PEAK1: variants seen among roughly 807,000 people sequenced by gnomAD.
PEAK1 encodes inactive tyrosine-protein kinase PEAK1.
PEAK1 carries 54 observed loss-of-function variants against 124.7 expected under a neutral mutation model. The observed-to-expected ratio is 0.43, with a 90% CI of 0.35 to 0.54. PEAK1 has a LOEUF of 0.54. Among genes scored for constraint, PEAK1 ranks in the 20% least tolerant of loss-of-function variants. The pLI is 0.01. For missense variants in PEAK1, 2,046 were observed against 2,134.5 expected, an observed-to-expected ratio of 0.96 and a Z score of 0.82; for synonymous variants, 719 against 760.0, an observed-to-expected ratio of 0.95 and a Z score of 0.89.
chr15:77,264,999 T>A (rs1184618120), intron 5 of PEAK1, among the ~76,000 whole-genome samples: 1 of 152,152 alleles, frequency 6.6e-6, no homozygotes, highest in Non-Finnish European at 1.5e-5. Flanking sequence ...AAACAAGCAA[T>A]GGGGAAAGGA....
intron 9 of PEAK1, among the ~76,000 whole-genome samples, chr15:77,129,879 G>C (rs550439244): frequency 3.6e-4 from 55 of 152,308 alleles, no homozygotes; most frequent in Admixed American, 1.5e-3. Context: ...AAAGTTGTTT[G>C]TGTGGGCCAA....
chr15:77,207,802 C>T (rs78915981), intron 6 of PEAK1, among the ~76,000 whole-genome samples: 3,440 of 152,114 alleles, frequency 0.023, 110 homozygotes, highest in African/African-American at 0.072. Context: ...ATAGAATGTA[C>T]AACAAAAAGA....
chr15:77,265,230 G>A (rs2061658301), intron 5 of PEAK1, among the ~76,000 whole-genome samples: 1 of 152,076 alleles, frequency 6.6e-6, no homozygotes, highest in Non-Finnish European at 1.5e-5. Flanking sequence ...AAAAGCAATG[G>A]CAACAAAAGC....
At chr15:77,232,562 A>C (rs936918601) in intron 6 of PEAK1, among the ~76,000 whole-genome samples, 1 of 152,056 alleles carries the variant, frequency 6.6e-6, no homozygotes, top group African/African-American at 2.4e-5. Context: ...AACCAGATGA[A>C]TTTCATCTCA....
intron 1 of PEAK1, among the ~76,000 whole-genome samples, chr15:77,400,529 TC>T (rs2071282641): frequency 6.6e-6 from 1 of 151,848 alleles, no homozygotes; most frequent in African/African-American, 2.4e-5. Context: ...GAAATGGAGG[TC>T]ATTATGTTAT....
rs375319792 is a variant in PEAK1 at position 77,300,842 on chromosome 15, A to ATTAT, written c.-602-14342_-602-14339dup. 8.6e-3 allele frequency among the ~76,000 whole-genome samples: 1,300 copies of ATTAT among 151,776 alleles called. 9 individuals carry two copies. Among genetic ancestry groups the ATTAT allele is most frequent in the Non-Finnish European group, 0.013 (904 of 67,904 alleles). The stretch of plus-strand genomic sequence containing the variant: ...AATTTGATGGCTTAAAAAACCAGTA[A>ATTAT]TTATTTATTTATTTATTTATTTATT... On this transcript the variant is annotated intron_variant, in intron 2 of 9. Coordinates refer to ENST00000682557, the MANE Select transcript of PEAK1 (RefSeq NM_001385026.1).
At chr15:77,254,510 G>A (rs2061036111) in intron 5 of PEAK1, among the ~76,000 whole-genome samples, 1 of 152,062 alleles carries the variant, frequency 6.6e-6, no homozygotes, top group Non-Finnish European at 1.5e-5. Context: ...ACGGCTCACT[G>A]CATCCTTGAC....
intron 2 of PEAK1, among the ~76,000 whole-genome samples, chr15:77,318,235 A>T (rs539050863): frequency 6.6e-6 from 1 of 152,296 alleles, no homozygotes; most frequent in East Asian, 1.9e-4. Flanking sequence ...GGATTATACC[A>T]CTGTCGATTT....
chr15:77,391,512 C>G (rs1165219169), intron 1 of PEAK1, among the ~76,000 whole-genome samples: 1 of 125,466 alleles, frequency 8.0e-6, no homozygotes, highest in Non-Finnish European at 1.6e-5. Flanking sequence ...AAAAGAGATA[C>G]CAGGGAAACA....
At chr15:77,330,762 C>T (rs2065845348) in intron 2 of PEAK1, among the ~76,000 whole-genome samples, 1 of 152,218 alleles carries the variant, frequency 6.6e-6, no homozygotes, top group Admixed American at 6.5e-5. Context: ...CTTTCCCTCC[C>T]TTGGTGCACC....
Position 77,111,284 on chromosome 15 carries a change from T to C in PEAK1, c.*2872A>G, listed in dbSNP as rs889359352. On this transcript the variant is annotated 3_prime_UTR_variant, in exon 10 of 10. Coordinates refer to ENST00000682557, the MANE Select transcript of PEAK1 (RefSeq NM_001385026.1). Reference sequence around the variant, plus strand: ...ACAGAGGGTAGGATTTCTTTCCAGTTGATGAACAAATTCAAAGGTCCTACC... The same window carrying C: ...ACAGAGGGTAGGATTTCTTTCCAGTCGATGAACAAATTCAAAGGTCCTACC... 1 of 152,224 alleles carries C rather than the reference T, an allele frequency of 6.6e-6. No homozygotes were observed. Among genetic ancestry groups the C allele is most frequent in the Non-Finnish European group, 1.5e-5 (1 of 68,036 alleles). 9.4% of individuals were successfully genotyped at this position (152,224 alleles called of 1,614,324 possible). A position where few individuals can be genotyped will look rare whatever the true frequency, so the allele number is the denominator to read the frequency against.
At chr15:77,391,640 C>T (rs2070468348) in intron 1 of PEAK1, among the ~76,000 whole-genome samples, 1 of 152,024 alleles carries the variant, frequency 6.6e-6, no homozygotes, top group Admixed American at 6.6e-5. Context: ...CAGCAAGTAT[C>T]CAAAAGAAAA....
At chr15:77,383,447 T>C (rs2069654860) in intron 1 of PEAK1, among the ~76,000 whole-genome samples, 1 of 152,232 alleles carries the variant, frequency 6.6e-6, no homozygotes, top group Non-Finnish European at 1.5e-5. Flanking sequence ...TTGATCTTTT[T>C]AGGTAGGATA....
At chr15:77,365,289 T>G (rs772415595) in intron 1 of PEAK1, 64 bp from the exon 2 acceptor site, 37 of 685,656 alleles carry the variant, frequency 5.4e-5, no homozygotes, top group Non-Finnish European at 6.3e-5. Flanking sequence ...GTATGGAAAT[T>G]TAATTATTTC....
At chr15:77,335,089 G>T (rs2066115344) in intron 2 of PEAK1, 1 of 985,306 alleles carries the variant, frequency 1.0e-6, no homozygotes, top group Admixed American at 6.1e-5. Context: ...GCAAACTCTA[G>T]ATCTATAAAC....
chr15:77,114,113 TGAA>T lies in PEAK1; in HGVS notation c.*40_*42del, dbSNP rs1329343261. ...AGGGAGGGGAAGTGCATGGGTGACA[TGAA>T]GAAGGTGAAGATGTAGTAAAAGCAT... On this transcript the variant is annotated 3_prime_UTR_variant, in exon 10 of 10. Coordinates refer to ENST00000682557, the MANE Select transcript of PEAK1 (RefSeq NM_001385026.1). 1 of 1,583,010 alleles carries T rather than the reference TGAA, an allele frequency of 6.3e-7. No homozygotes were observed. Among genetic ancestry groups the T allele is most frequent in the Admixed American group, 1.7e-5 (1 of 59,208 alleles).
chr15:77,285,361 C>T (rs1281839325), intron 3 of PEAK1, among the ~76,000 whole-genome samples: 1 of 152,160 alleles, frequency 6.6e-6, no homozygotes, highest in African/African-American at 2.4e-5. Context: ...ATAGAGAATA[C>T]TCTCCCCCTT....
intron 2 of PEAK1, among the ~76,000 whole-genome samples, chr15:77,357,359 G>A (rs556881238): frequency 3.7e-4 from 56 of 152,288 alleles, no homozygotes; most frequent in South Asian, 2.1e-3. Context: ...TGCAACCTCC[G>A]CCTCCGGGGT....
chr15:77,377,440 CAAT>C (rs1468322136), intron 1 of PEAK1, among the ~76,000 whole-genome samples: 11 of 151,098 alleles, frequency 7.3e-5, no homozygotes, highest in African/African-American at 2.2e-4. Flanking sequence ...GGGAAAAATA[CAAT>C]GTTATATATA....
Sources: gnomAD v4.1 joint callset for allele counts (sites outside exome capture counted in the v4.1 genomes callset) on GRCh38, gnomAD v4.1.1 for gene constraint, MANE v1.5 for transcripts, NCBI Gene and HGNC (gene_info 2026-07-23, HGNC 2026-07-21) for gene names.